Variants in CCDC85C observed in about 807,000 individuals in gnomAD.
The protein encoded by CCDC85C is coiled-coil domain containing 85C.
A neutral mutation model predicts 38.3 loss-of-function variants in CCDC85C; 18 were observed. That is an observed-to-expected ratio of 0.47 (90% CI 0.33 to 0.70). The LOEUF is 0.70. Among genes scored for constraint, CCDC85C ranks in the 30% least tolerant of loss-of-function variants. The pLI is 0.03. For synonymous variants in CCDC85C, 264 were observed against 293.8 expected (o/e 0.90, Z 1.04); for missense variants, 566 against 621.2 (o/e 0.91, Z 0.94).
intron 1 of CCDC85C, among the ~76,000 whole-genome samples, chr14:99,601,957 AC>A (rs2055203462): frequency 7.9e-6 from 1 of 126,696 alleles, no homozygotes; most frequent in Non-Finnish European, 1.6e-5. Flanking sequence ...CCACTTGGCC[AC>A]CAAACTAAGG....
chr14:99,589,190 G>A (rs1391145870), intron 1 of CCDC85C, among the ~76,000 whole-genome samples: 1 of 151,536 alleles, frequency 6.6e-6, no homozygotes, highest in South Asian at 2.1e-4. Context: ...AGGCAGCGGG[G>A]AGCACACAGC....
At position 99,533,322 on chromosome 14, in the gene CCDC85C, A is replaced by G. The variant is rs1044234455; in HGVS notation, c.867+2693T>C. Among the ~76,000 whole-genome samples the G allele has an allele frequency of 6.6e-6, 1 of 152,206 alleles. No homozygotes were observed. The highest frequency in any genetic ancestry group is 2.4e-5 in the African/African-American group (1 of 41,462). ...GTCCATGCTGAGAAAGCAGCTAGGG[A>G]TGGGCCCTGGGTGCCCTCCTGCCAC... On this transcript the variant is annotated intron_variant, in intron 2 of 5. Coordinates refer to ENST00000380243, the MANE Select transcript of CCDC85C (RefSeq NM_001144995.2). The surrounding 1 kb of genome is among the most constrained non-coding windows in gnomAD (Gnocchi z 4.2).
rs1361478784 is a variant in CCDC85C at position 99,507,185 on chromosome 14, A to G, written c.*8061T>C. The G allele has an allele frequency of 9.7e-6, 12 of 1,239,496 alleles. No individual in the cohort carries two copies. The highest frequency in any genetic ancestry group is 1.3e-5 in the Non-Finnish European group (11 of 839,286). 76.8% of individuals were successfully genotyped at this position (1,239,496 alleles called of 1,614,324 possible). On this transcript the variant is annotated 3_prime_UTR_variant, in exon 6 of 6. Coordinates refer to ENST00000380243, the MANE Select transcript of CCDC85C (RefSeq NM_001144995.2). The stretch of plus-strand genomic sequence containing the variant: ...TGAAGCAGCTTGGCCAGCTGTGCAC[A>G]TCGCCTCTGAATGTTGGACGCAGCA...
At chr14:99,554,066 C>G (rs547075647) in intron 1 of CCDC85C, among the ~76,000 whole-genome samples, 1 of 152,132 alleles carries the variant, frequency 6.6e-6, no homozygotes. Flanking sequence ...CCAGTGTGGT[C>G]GGCTCCACTT....
Position 99,572,886 on chromosome 14 carries a change from T to C in CCDC85C, c.793+30281A>G. On this transcript the variant is annotated intron_variant, in intron 1 of 5. Transcript: ENST00000380243. This position sits in a 1 kb window ranked among gnomAD's most constrained non-coding sequence, Gnocchi z 4.4. ...GCTAAGGAAGGAATGTCTGCCCAAG[T>C]CCCAGGCAGGGTGGGAGGCACGGAC... 2.2e-6 allele frequency: 1 copy of C among 452,380 alleles called. No individual in the cohort carries two copies. Among genetic ancestry groups the C allele is most frequent in the African/African-American group, 2.0e-5 (1 of 50,100 alleles). The allele number at this position is 452,380 out of a possible 1,614,324, so 28.0% of individuals were successfully genotyped here. A position where few individuals can be genotyped will look rare whatever the true frequency, so the allele number is the denominator to read the frequency against.
At chr14:99,532,896 C>T (rs1897521762) in intron 2 of CCDC85C, among the ~76,000 whole-genome samples, 1 of 151,940 alleles carries the variant, frequency 6.6e-6, no homozygotes, top group African/African-American at 2.4e-5. Flanking sequence ...ATTCTCCTAC[C>T]TCAGCCTCCC....
rs1484867927 is a variant in CCDC85C, at chr14:99,503,497, C to T, written c.*11749G>A. The T allele has an allele frequency of 1.4e-5, 12 of 839,014 alleles. No individual in the cohort carries two copies. The highest frequency in any genetic ancestry group is 3.5e-5 in the African/African-American group (2 of 57,826). 52.0% of individuals were successfully genotyped at this position (839,014 alleles called of 1,614,324 possible). A position where few individuals can be genotyped will look rare whatever the true frequency, so the allele number is the denominator to read the frequency against. On this transcript the variant is annotated 3_prime_UTR_variant, in exon 6 of 6. Coordinates refer to ENST00000380243, the MANE Select transcript of CCDC85C (RefSeq NM_001144995.2). ...GTTCAGGCTAGAAATAATTTTTGTCCGAGGCTGTTCACAGTGACTGCCGTC... is the reference window on the plus strand; with the variant it reads ...GTTCAGGCTAGAAATAATTTTTGTCTGAGGCTGTTCACAGTGACTGCCGTC...
chr14:99,596,446 A>G (rs1013524697), intron 1 of CCDC85C, among the ~76,000 whole-genome samples: 7 of 151,472 alleles, frequency 4.6e-5, no homozygotes, highest in Non-Finnish European at 8.8e-5. Flanking sequence ...AACAGTACAC[A>G]TAAGGCAAAC....
In CCDC85C at chr14:99,580,067, C is replaced by T. The variant is rs74083733; in HGVS notation, c.793+23100G>A. Reference sequence around the variant, plus strand: ...AGGGCTGGCCCCTTCCTCTTGGTCTCACATTCCTAAACAGTAGACACCTTC... The same window carrying T: ...AGGGCTGGCCCCTTCCTCTTGGTCTTACATTCCTAAACAGTAGACACCTTC... On this transcript the variant is annotated intron_variant, in intron 1 of 5. Coordinates refer to ENST00000380243, the MANE Select transcript of CCDC85C (RefSeq NM_001144995.2). 8.7e-4 allele frequency: 398 copies of T among 455,772 alleles called. 1 individual carries two copies. The highest frequency in any genetic ancestry group is 7.5e-3 in the African/African-American group (374 of 50,158). The allele number at this position is 455,772 out of a possible 1,614,324, so 28.2% of individuals were successfully genotyped here.
chr14:99,602,561 C>A (rs2055210952), intron 1 of CCDC85C, among the ~76,000 whole-genome samples: 2 of 152,180 alleles, frequency 1.3e-5, no homozygotes, highest in Admixed American at 6.5e-5. Flanking sequence ...CTTAGAGTCT[C>A]GGCTGAGAAA....
At chr14:99,541,426 C>T (rs538640381) in intron 1 of CCDC85C, among the ~76,000 whole-genome samples, 13 of 152,332 alleles carry the variant, frequency 8.5e-5, no homozygotes, top group African/African-American at 2.4e-4. Context: ...GTCTCACACA[C>T]GCCTCCCTAT....
rs117621762 is a variant in CCDC85C, at chr14:99,558,290, C to T, written c.794-22202G>A. ...GTGTCCTTCCAAATTCATGTCCGCC[C>T]AGAACCTCAGAATGTGATCTTATTT... is the stretch of plus-strand genomic sequence containing the variant. On this transcript the variant is annotated intron_variant, in intron 1 of 5. Transcript: ENST00000380243. This position sits in a 1 kb window ranked among gnomAD's most constrained non-coding sequence, Gnocchi z 4.2. Among the ~76,000 whole-genome samples, 135 of 152,332 alleles carry T rather than the reference C, an allele frequency of 8.9e-4. 2 individuals carry two copies. The South Asian group carries it at 0.012, about 14-fold the overall frequency.
intron 1 of CCDC85C, among the ~76,000 whole-genome samples, chr14:99,553,013 T>C (rs1034223530): frequency 6.6e-5 from 10 of 152,106 alleles, no homozygotes. Context: ...AGAAGGACCC[T>C]AGGCTTCCCC....
chr14:99,571,441 G>A (rs891719387), intron 1 of CCDC85C, among the ~76,000 whole-genome samples: 4 of 152,196 alleles, frequency 2.6e-5, no homozygotes, highest in African/African-American at 9.7e-5. Flanking sequence ...GCGTGCAGGT[G>A]CCAGAGGTGC....
In CCDC85C at chr14:99,572,191, G is replaced by A. The variant is rs368884286; in HGVS notation, c.793+30976C>T. 1.4e-4 allele frequency among the ~76,000 whole-genome samples: 21 copies of A among 152,194 alleles called. No individual in the cohort carries two copies. The highest frequency in any genetic ancestry group is 2.5e-4 in the Non-Finnish European group (17 of 68,022). On this transcript the variant is annotated intron_variant, in intron 1 of 5. Transcript: ENST00000380243. This position sits in a 1 kb window ranked among gnomAD's most constrained non-coding sequence, Gnocchi z 4.4. ...TGGTGGTCCCTAGAAAGACCTCCAG[G>A]GTGGGCTTCAGTGGCCCTGGCCCCA...
At chr14:99,515,367 A>G in intron 5 of CCDC85C, 32 bp from the exon 6 acceptor site, 5 of 1,508,302 alleles carry the variant, frequency 3.3e-6, no homozygotes, top group Non-Finnish European at 4.5e-6. Flanking sequence ...GAGTGGTGGG[A>G]CTCACCCGCG....
chr14:99,598,074 C>T (rs1419314482), intron 1 of CCDC85C, among the ~76,000 whole-genome samples: 1 of 151,816 alleles, frequency 6.6e-6, no homozygotes, highest in Non-Finnish European at 1.5e-5. Flanking sequence ...CAGAGGGCTA[C>T]ATGCCCCTCG....
rs778020364 is a variant in CCDC85C at position 99,588,297 on chromosome 14, G to T, written c.793+14870C>A. Among the ~76,000 whole-genome samples the T allele has an allele frequency of 2.0e-5, 3 of 151,962 alleles. No individual in the cohort carries two copies. The highest frequency in any genetic ancestry group is 6.5e-5 in the Admixed American group (1 of 15,274). ...ACCTTTCTGAGTTAAACATTGGTGA[G>T]GACACCCATCCAGGGTGGCTTCAGC... On this transcript the variant is annotated intron_variant, in intron 1 of 5. Coordinates refer to ENST00000380243, the MANE Select transcript of CCDC85C (RefSeq NM_001144995.2). The surrounding 1 kb of genome is among the most constrained non-coding windows in gnomAD (Gnocchi z 5.0).
chr14:99,555,843 G>A (rs1897999620), intron 1 of CCDC85C, among the ~76,000 whole-genome samples: 2 of 152,144 alleles, frequency 1.3e-5, no homozygotes, highest in African/African-American at 4.8e-5. Flanking sequence ...TACAATGGGG[G>A]ACCCTCCCAA....
Sources: gnomAD v4.1 joint callset for allele counts (sites outside exome capture counted in the v4.1 genomes callset) on GRCh38, gnomAD v4.1.1 for gene constraint, Gnocchi (gnomAD v3.1) non-coding constraint, MANE v1.5 for transcripts, NCBI Gene and HGNC (gene_info 2026-07-23, HGNC 2026-07-21) for gene names.